Variants in BLOC1S5 observed in about 807,000 individuals in gnomAD.
BLOC1S5 encodes biogenesis of lysosomal organelles complex 1 subunit 5, also known as biogenesis of lysosome-related organelles complex 1 subunit 5.
In BLOC1S5, 27 loss-of-function variants were observed where a neutral mutation model predicts 24.3. The ratio of observed to expected loss-of-function variants is 1.11; its 90% confidence interval spans 0.82 to 1.53. The LOEUF is 1.53. BLOC1S5 is among the 40% of genes most tolerant of loss of function. The probability of loss-of-function intolerance (pLI) is 0.00; values close to 1 mark genes in which losing one functional copy is unlikely to be tolerated. For synonymous variants in BLOC1S5, 84 were observed against 74.5 expected, an observed-to-expected ratio of 1.13 and a Z score of -0.66; for missense variants, 239 against 229.4, an observed-to-expected ratio of 1.04 and a Z score of -0.27.
chr6:8,053,237 G>T (rs1165734089), intron 2 of BLOC1S5, among the ~76,000 whole-genome samples: 1 of 152,214 alleles, frequency 6.6e-6, no homozygotes, highest in Non-Finnish European at 1.5e-5. Flanking sequence ...CAGGGTTTGA[G>T]AAGAATGAAA....
At chr6:8,036,541 C>T (rs549957762) in intron 3 of BLOC1S5, among the ~76,000 whole-genome samples, 7 of 152,020 alleles carry the variant, frequency 4.6e-5, no homozygotes, top group Non-Finnish European at 8.8e-5. Context: ...AGTCTCCTAT[C>T]GAAGAAAAGC....
intron 2 of BLOC1S5, among the ~76,000 whole-genome samples, chr6:8,044,430 G>A (rs1446625280): frequency 6.6e-6 from 1 of 152,020 alleles, no homozygotes; most frequent in East Asian, 1.9e-4. Flanking sequence ...AGTGAAAACA[G>A]ACTAATACAG....
At chr6:8,033,771 A>C (rs1017374011) in intron 3 of BLOC1S5, among the ~76,000 whole-genome samples, 9 of 151,680 alleles carry the variant, frequency 5.9e-5, no homozygotes, top group Non-Finnish European at 1.0e-4. Context: ...AGAACTCAAA[A>C]AAATTTACAA....
intron 2 of BLOC1S5, among the ~76,000 whole-genome samples, chr6:8,042,634 A>AT (rs145983811): frequency 0.19 from 28,500 of 151,846 alleles, 2,970 homozygotes; most frequent in African/African-American, 0.26. Context: ...TTTTTTTGTG[A>AT]TTTTTTTTCT....
At chr6:8,049,691 T>C (rs1248679945) in intron 2 of BLOC1S5, among the ~76,000 whole-genome samples, 1 of 152,116 alleles carries the variant, frequency 6.6e-6, no homozygotes, top group Non-Finnish European at 1.5e-5. Flanking sequence ...TGCATACATG[T>C]CAATGTGTAT....
intron 4 of BLOC1S5, among the ~76,000 whole-genome samples, chr6:8,018,748 G>T (rs1232500987): frequency 6.6e-6 from 1 of 152,150 alleles, no homozygotes; most frequent in East Asian, 1.9e-4. Flanking sequence ...TTAATAAAAG[G>T]TAAATATTAT....
intron 1 of BLOC1S5, 68 bp from the exon 2 acceptor site, chr6:8,062,684 C>T: frequency 9.7e-7 from 1 of 1,034,564 alleles, no homozygotes; most frequent in South Asian, 1.5e-5. Flanking sequence ...TTGTTTTACT[C>T]TCTCCCTTCC....
At chr6:8,034,555 C>A (rs974245778) in intron 3 of BLOC1S5, among the ~76,000 whole-genome samples, 1 of 152,132 alleles carries the variant, frequency 6.6e-6, no homozygotes, top group Admixed American at 6.5e-5. Flanking sequence ...AGCAAACCAA[C>A]ATGGCACATA....
intron 4 of BLOC1S5, among the ~76,000 whole-genome samples, chr6:8,016,787 G>A (rs751520760): frequency 3.4e-5 from 5 of 148,642 alleles, no homozygotes; most frequent in Non-Finnish European, 7.4e-5. Flanking sequence ...AAACTGAGGC[G>A]GAAGAACTGC....
chr6:8,026,540 T>C, intron 3 of BLOC1S5, 115 bp from the exon 4 acceptor site: 5 of 783,526 alleles, frequency 6.4e-6, no homozygotes, highest in Non-Finnish European at 1.0e-5. Flanking sequence ...CAAAAAACTA[T>C]GCAAAGAACT....
At chr6:8,042,405 C>T (rs1344640479) in intron 2 of BLOC1S5, among the ~76,000 whole-genome samples, 2 of 152,194 alleles carry the variant, frequency 1.3e-5, no homozygotes, top group Non-Finnish European at 2.9e-5. Context: ...AGAAAGGCCT[C>T]CTCATAAGGT....
At position 8,047,812 on chromosome 6, in the gene BLOC1S5, G is replaced by A. The variant is rs181827766; in HGVS notation, c.196-6544C>T. Among the ~76,000 whole-genome samples, 4 of 152,238 alleles carry A rather than the reference G, an allele frequency of 2.6e-5. No individual in the cohort carries two copies. The East Asian group carries it at 7.7e-4, about 29-fold the overall frequency. On this transcript the variant is annotated intron_variant, in intron 2 of 4. Transcript: ENST00000397457. Reference sequence around the variant, plus strand: ...TTGTTTGCAAGAATTTTTCAGACATGGGTTGTATACTCTCAACAGCATCTT... The same window carrying A: ...TTGTTTGCAAGAATTTTTCAGACATAGGTTGTATACTCTCAACAGCATCTT...
intron 3 of BLOC1S5, among the ~76,000 whole-genome samples, chr6:8,039,007 C>T (rs2326978): frequency 0.85 from 129,793 of 152,186 alleles, 55,755 homozygotes; most frequent in East Asian, 1. Flanking sequence ...TCTGCACTTA[C>T]GTGTTTATTG....
chr6:8,038,160 C>T (rs1411340547), intron 3 of BLOC1S5, among the ~76,000 whole-genome samples: 4 of 152,152 alleles, frequency 2.6e-5, no homozygotes, highest in African/African-American at 9.7e-5. Context: ...AATGGGGTTA[C>T]ATCAAGCTAA....
chr6:8,014,040 G>A lies in BLOC1S5; in HGVS notation c.*1609C>T, dbSNP rs1042640610. The A allele has an allele frequency of 4.6e-5, 7 of 152,004 alleles. No homozygotes were observed. Among genetic ancestry groups the A allele is most frequent in the Non-Finnish European group, 8.8e-5 (6 of 68,014 alleles). The allele number at this position is 152,004 out of a possible 1,614,324, so 9.4% of individuals were successfully genotyped here. On this transcript the variant is annotated 3_prime_UTR_variant, in exon 5 of 5. Transcript: ENST00000397457. ...AACATGCAGCCAAGAATGAAGCTTTGACAGTAAGCCATACATTTACACAGG... is the reference window on the plus strand; with the variant it reads ...AACATGCAGCCAAGAATGAAGCTTTAACAGTAAGCCATACATTTACACAGG...
At chr6:8,062,121 T>G (rs988216711) in intron 2 of BLOC1S5, among the ~76,000 whole-genome samples, 2 of 152,178 alleles carry the variant, frequency 1.3e-5, no homozygotes, top group Admixed American at 1.3e-4. Flanking sequence ...GTGGAACCTG[T>G]AAGAAAGGAA....
intron 3 of BLOC1S5, among the ~76,000 whole-genome samples, chr6:8,034,533 G>A (rs1763420159): frequency 6.6e-6 from 1 of 152,118 alleles, no homozygotes; most frequent in Non-Finnish European, 1.5e-5. Flanking sequence ...ACGTAAATGA[G>A]TTGATGGGTA....
At chr6:8,051,527 GCTACA>G (rs1260396173) in intron 2 of BLOC1S5, among the ~76,000 whole-genome samples, 1 of 152,240 alleles carries the variant, frequency 6.6e-6, no homozygotes, top group East Asian at 1.9e-4. Context: ...TGCTGAAGTA[GCTACA>G]CTAAACAACA....
chr6:8,030,808 G>C (rs1763269281), intron 3 of BLOC1S5, among the ~76,000 whole-genome samples: 1 of 142,982 alleles, frequency 7.0e-6, no homozygotes, highest in African/African-American at 2.6e-5. Flanking sequence ...GAAGACAGAG[G>C]TTGCAGTGAG....
Sources: gnomAD v4.1 joint callset for allele counts (sites outside exome capture counted in the v4.1 genomes callset) on GRCh38, gnomAD v4.1.1 for gene constraint, MANE v1.5 for transcripts, NCBI Gene and HGNC (gene_info 2026-07-23, HGNC 2026-07-21) for gene names.